The following COL5A3 variants were observed in gnomAD, a reference collection of about 807,000 sequenced individuals.
COL5A3 encodes collagen alpha-3(V) chain.
A neutral mutation model predicts 250.0 loss-of-function variants in COL5A3; 172 were observed. The ratio of observed to expected loss-of-function variants is 0.69; its 90% CI spans 0.61 to 0.78. The LOEUF (loss-of-function observed/expected upper bound fraction) is 0.78, where lower values mean the gene tolerates loss of function less well. Ranked by LOEUF, COL5A3 falls within the 30% of genes least tolerant of loss-of-function variation. The pLI, the probability that COL5A3 is intolerant of heterozygous loss-of-function variation, is 0.00. For synonymous variants in COL5A3, 937 were observed against 900.4 expected, an observed-to-expected ratio of 1.04 and a Z score of -0.73; for missense variants, 2,340 against 2,334.4, an observed-to-expected ratio of 1.00 and a Z score of -0.05.
At chr19:10,003,748 C>T (rs1335529792) in intron 5 of COL5A3, 34 bp from the exon 6 acceptor site, 4 of 1,612,400 alleles carry the variant, frequency 2.5e-6, no homozygotes, top group Admixed American at 1.7e-5. Flanking sequence ...TCTAGAGCAT[C>T]CCACCAGCAG....
At chr19:10,001,443 T>C (rs1599227516) in intron 8 of COL5A3, 81 bp downstream of exon 8, 1 of 1,437,166 alleles carries the variant, frequency 7.0e-7, no homozygotes. Flanking sequence ...CACTGCGCCC[T>C]GCCTAAATAA....
chr19:9,961,763 T>C (rs1177570026), intron 65 of COL5A3, among the ~76,000 whole-genome samples: 1 of 152,104 alleles, frequency 6.6e-6, no homozygotes, highest in African/African-American at 2.4e-5. Flanking sequence ...TTTCACCATG[T>C]TAGCCAGGAT....
At position 10,001,839 on chromosome 19, in the gene COL5A3, G is replaced by C; in HGVS notation, c.892C>G (p.Leu298Val). The change falls in exon 7 of 67, where the codon CTG becomes GTG. Residue 298 changes from leucine to valine, a missense_variant. Leu to Val is a conservative substitution (Grantham distance 32). This residue lies in a region of COL5A3 where 1,152 missense variants were observed against 1,146.3 expected (regional missense o/e 1.00). Coordinates refer to ENST00000264828, the MANE Select transcript of COL5A3 (RefSeq NM_015719.4). ...ACCAAAGGCGTGGGGGTCGGAGGCA[G>C]ATTTGGAGCTGGAGTCTCTGTCTTG... ...IPKTETPAPN[L>V]PPTPTPLVVT... is the part of the protein sequence containing the mutation. 2 of 1,614,190 alleles carry C rather than the reference G, an allele frequency of 1.2e-6. No individual in the cohort carries two copies. Among genetic ancestry groups the C allele is most frequent in the Non-Finnish European group, 8.5e-7 (1 of 1,180,032 alleles).
At chr19:9,963,564 G>GTT (rs1359404535) in intron 64 of COL5A3, among the ~76,000 whole-genome samples, 1,916 of 126,514 alleles carry the variant, frequency 0.015, 55 homozygotes, top group East Asian at 0.088. Flanking sequence ...TTTTTTTTGG[G>GTT]GGGGGGGGCG....
Position 9,996,128 on chromosome 19 carries a change from A to T in COL5A3, c.1480-9T>A. 1 of 1,567,460 alleles carries T rather than the reference A, an allele frequency of 6.4e-7. No individual in the cohort carries two copies. The highest frequency in any genetic ancestry group is 8.6e-7 in the Non-Finnish European group (1 of 1,158,910). On this transcript the variant is annotated splice_polypyrimidine_tract_variant and intron_variant, in intron 14 of 66. Transcript: ENST00000264828. ...GGATGCCCGGGGAGACCCTTGGGGG[A>T]GGAGAGATGGAGGAGTGTGGGTAGA...
At position 9,991,581 on chromosome 19, in the gene COL5A3, A is replaced by G. The variant is rs768493651; in HGVS notation, c.1992+29T>C. On this transcript the variant is annotated intron_variant, in intron 24 of 66. Coordinates refer to ENST00000264828, the MANE Select transcript of COL5A3 (RefSeq NM_015719.4). ...AGAGTTGAAGGAAGAAGACTTGAGG[A>G]GGTCGCGGTAGGTGGAGCTGTCACT... 14 of 1,555,638 alleles carry G rather than the reference A, an allele frequency of 9.0e-6. No homozygotes were observed. In the East Asian group the frequency reaches 3.4e-4, roughly 37 times the overall value.
chr19:10,008,108 C>T (rs1392807287), intron 1 of COL5A3, among the ~76,000 whole-genome samples: 1 of 152,094 alleles, frequency 6.6e-6, no homozygotes, highest in East Asian at 1.9e-4. Context: ...GCTCTGCTGA[C>T]CACAAGAGTC....
At position 9,998,145 on chromosome 19, in the gene COL5A3, G is replaced by T. The variant is rs549342476; in HGVS notation, c.1115C>A (p.Ala372Asp). Residue 372 changes from alanine to aspartate, a missense_variant, in exon 9 of 67, where the codon GCT becomes GAT. This residue lies in a region of COL5A3 where 1,152 missense variants were observed against 1,146.3 expected (regional missense o/e 1.00). Coordinates refer to ENST00000264828, the MANE Select transcript of COL5A3 (RefSeq NM_015719.4). ...SRTQFQIFPG[A>D]GEKGAKGEPA... ...CTCTCCTTTTGCTCCTTTCTCTCCA[G>T]CACCCTGGGGTGGGGTCAGGGGAGA... is the stretch of plus-strand genomic sequence containing the variant. The T allele has an allele frequency of 1.9e-6, 3 of 1,613,354 alleles. No individual in the cohort carries two copies. The highest frequency in any genetic ancestry group is 2.5e-6 in the Non-Finnish European group (3 of 1,179,706).
intron 31 of COL5A3, among the ~76,000 whole-genome samples, chr19:9,983,056 T>G (rs536363004): frequency 6.6e-6 from 1 of 152,092 alleles, no homozygotes; most frequent in East Asian, 2.0e-4. Flanking sequence ...ATATGGGGTC[T>G]CACTATGTTG....
At position 9,991,640 on chromosome 19, in the gene COL5A3, G is replaced by T. The variant is rs62638741; in HGVS notation, c.1962C>A (p.Pro654=). The change falls in exon 24 of 67, where the codon CCC becomes CCA. Residue 654 remains proline, a synonymous_variant. Coordinates refer to ENST00000264828, the MANE Select transcript of COL5A3 (RefSeq NM_015719.4). ...CCCCAGGAGTGCCAATGAGTCCCTG[G>T]GGACCGGGGAGTCCCTGGAGACAGA... ...GNHGSQGLPG[P]QGLIGTPGEK... 1,212 of 1,609,814 alleles carry T rather than the reference G, an allele frequency of 7.5e-4. 11 individuals are homozygous for T. In the African/African-American group the frequency reaches 0.015, roughly 19 times the overall value.
chr19:9,975,223 C>A (rs35465645), intron 45 of COL5A3, among the ~76,000 whole-genome samples: 23,362 of 152,038 alleles, frequency 0.15, 1,924 homozygotes, highest in South Asian at 0.31. Flanking sequence ...TACAGGGGCC[C>A]GCCACCATGC....
chr19:10,006,316 T>A, intron 1 of COL5A3, 85 bp from the exon 2 acceptor site: 2 of 1,302,862 alleles, frequency 1.5e-6, no homozygotes, highest in Non-Finnish European at 2.1e-6. Flanking sequence ...AGGCTCAGGG[T>A]TTTTTTAGGG....
intron 6 of COL5A3, among the ~76,000 whole-genome samples, chr19:10,002,243 T>G (rs1202409722): frequency 8.5e-6 from 1 of 117,510 alleles, no homozygotes; most frequent in Non-Finnish European, 1.6e-5. Flanking sequence ...CCTTCTGGCC[T>G]GGACAGCTGC....
chr19:9,982,113 A>C lies in COL5A3; in HGVS notation c.2412T>G (p.Ser804=), dbSNP rs1326687040. 6.2e-7 allele frequency: 1 copy of C among 1,601,286 alleles called. No homozygotes were observed. The highest frequency in any genetic ancestry group is 8.5e-7 in the Non-Finnish European group (1 of 1,173,930). Residue 804 remains serine, a synonymous_variant, in exon 32 of 67, where the codon TCT becomes TCG. Coordinates refer to ENST00000264828, the MANE Select transcript of COL5A3 (RefSeq NM_015719.4). ...GTCCCAGGGGACCGGGAAATCCAAT[A>C]GATCCCTGAGTGGAGAGAATTAGAA... ...GYPGRPGPKG[S]IGFPGPLGPI...
chr19:9,969,812 G>T, intron 55 of COL5A3, 57 bp downstream of exon 55: 1 of 1,598,368 alleles, frequency 6.3e-7, no homozygotes, highest in East Asian at 2.2e-5. Flanking sequence ...TCTCCTGATG[G>T]CCCCACTGTT....
Position 9,981,147 on chromosome 19 carries a change from T to C in COL5A3, c.2461-15A>G. 1 of 1,613,364 alleles carries C rather than the reference T, an allele frequency of 6.2e-7. No homozygotes were observed. The highest frequency in any genetic ancestry group is 8.5e-7 in the Non-Finnish European group (1 of 1,179,546). ...CCTGTCTTTCCCTGAAAATGAATTG[T>C]AAGAGAGAAAGCAGAAGAGAGTTAG... On this transcript the variant is annotated splice_polypyrimidine_tract_variant and intron_variant, in intron 32 of 66. Coordinates refer to ENST00000264828, the MANE Select transcript of COL5A3 (RefSeq NM_015719.4).
rs4044577 is a variant in COL5A3 at position 10,009,161 on chromosome 19, GGTGTGTGTGTGTGTGTGT to G, written c.88+1119_88+1136del. On this transcript the variant is annotated intron_variant, in intron 1 of 66. Transcript: ENST00000264828. This position sits in a 1 kb window ranked among gnomAD's most constrained non-coding sequence, Gnocchi z 4.4. Reference sequence around the variant, plus strand: ...GACTCCAAAGTAAGAAGTGTGCTGTGGTGTGTGTGTGTGTGTGTGTGTGTGTGTGTGTGTGTGTGTGTG... The same window carrying G: ...GACTCCAAAGTAAGAAGTGTGCTGTGGTGTGTGTGTGTGTGTGTGTGTGTG... Among the ~76,000 whole-genome samples the G allele has an allele frequency of 7.1e-6, 1 of 140,346 alleles. No homozygotes were observed. The highest frequency in any genetic ancestry group is 2.1e-4 in the East Asian group (1 of 4,742). The allele number at this position is 140,346 out of a possible 152,430, so 92.1% of individuals were successfully genotyped here. A position where few individuals can be genotyped will look rare whatever the true frequency, so the allele number is the denominator to read the frequency against.
chr19:10,007,358 G>A (rs749183779), intron 1 of COL5A3, among the ~76,000 whole-genome samples: 1 of 152,064 alleles, frequency 6.6e-6, no homozygotes, highest in African/African-American at 2.4e-5. Flanking sequence ...AGCTGTCTCC[G>A]ATAACCTCCA....
chr19:9,968,932 T>C lies in COL5A3; in HGVS notation c.4153-204A>G. 4.7e-6 allele frequency: 3 copies of C among 635,582 alleles called. No individual in the cohort carries two copies. Among genetic ancestry groups the C allele is most frequent in the Non-Finnish European group, 8.3e-6 (3 of 360,370 alleles). 39.4% of individuals were successfully genotyped at this position (635,582 alleles called of 1,614,324 possible). ...TTGACTGGAGGATGGACAACGTGAG[T>C]GGTCAGTGGCCAAGGTCAGCGTGGG... On this transcript the variant is annotated intron_variant, in intron 57 of 66. Coordinates refer to ENST00000264828, the MANE Select transcript of COL5A3 (RefSeq NM_015719.4). This position sits in a 1 kb window ranked among gnomAD's most constrained non-coding sequence, Gnocchi z 4.1.
Sources: gnomAD v4.1 joint callset for allele counts (sites outside exome capture counted in the v4.1 genomes callset) on GRCh38, gnomAD v4.1.1 for gene constraint, gnomAD v4.1.1 regional missense constraint, Gnocchi (gnomAD v3.1) non-coding constraint, MANE v1.5 for transcripts, NCBI Gene and HGNC (gene_info 2026-07-23, HGNC 2026-07-21) for gene names.